The following KRABD5 variants were observed in gnomAD, a reference collection of about 807,000 sequenced individuals.
The protein encoded by KRABD5 is KRAB domain-containing protein 5.
chr16:31,714,165 AGACAG>A, the KRABD5 span, among the ~76,000 whole-genome samples: 3 of 152,198 alleles, frequency 2.0e-5, no homozygotes, highest in Non-Finnish European at 4.4e-5. Flanking sequence ...AAATGTTATG[AGACAG>A]GACTTGGCAC....
chr16:31,721,455 TAATA>T, the KRABD5 span, among the ~76,000 whole-genome samples: 1 of 151,204 alleles, frequency 6.6e-6, no homozygotes, highest in African/African-American at 2.4e-5. Context: ...TGGGGTAAAA[TAATA>T]AATAAAAAAA....
At chr16:31,716,036 C>T in the KRABD5 span, among the ~76,000 whole-genome samples, 3 of 152,208 alleles carry the variant, frequency 2.0e-5, no homozygotes, top group Non-Finnish European at 4.4e-5. Flanking sequence ...ACCCACTAGG[C>T]ACTGGCGTCG....
chr16:31,725,700 G>A, the KRABD5 span, among the ~76,000 whole-genome samples: 1 of 152,266 alleles, frequency 6.6e-6, no homozygotes, highest in South Asian at 2.1e-4. Context: ...GGCTCATTGA[G>A]GTTTGGTGTT....
chr16:31,742,403 A>G, the KRABD5 span, among the ~76,000 whole-genome samples: 11 of 152,270 alleles, frequency 7.2e-5, no homozygotes, highest in East Asian at 1.9e-3. Flanking sequence ...AAGCGAGAAC[A>G]TGCAGTGTTT....
chr16:31,717,196 A>G, the KRABD5 span, among the ~76,000 whole-genome samples: 2 of 152,042 alleles, frequency 1.3e-5, no homozygotes, highest in East Asian at 3.9e-4. Flanking sequence ...GGGTTTCACC[A>G]TGTTGTCCAG....
the KRABD5 span, among the ~76,000 whole-genome samples, chr16:31,730,304 C>T: frequency 6.6e-6 from 1 of 151,826 alleles, no homozygotes; most frequent in Non-Finnish European, 1.5e-5. Flanking sequence ...TTGTGTATAG[C>T]CTACTTAGTT....
chr16:31,747,200 C>G, the KRABD5 span, among the ~76,000 whole-genome samples: 1 of 141,576 alleles, frequency 7.1e-6, no homozygotes, highest in African/African-American at 2.7e-5. Context: ...TCCATGTGTT[C>G]TCATTGTTCA....
the KRABD5 span, among the ~76,000 whole-genome samples, chr16:31,742,381 A>G: frequency 6.6e-6 from 1 of 151,430 alleles, no homozygotes; most frequent in Non-Finnish European, 1.5e-5. Flanking sequence ...TCATTGTTCA[A>G]CTCCCACTTA....
chr16:31,760,562 A>C, the KRABD5 span: 1 of 141,718 alleles, frequency 7.1e-6, no homozygotes, highest in East Asian at 2.1e-4. Context: ...TGTGATTTCC[A>C]TGTGTGCTGC....
the KRABD5 span, among the ~76,000 whole-genome samples, chr16:31,751,313 G>A: frequency 2.6e-5 from 4 of 152,290 alleles, no homozygotes; most frequent in Admixed American, 6.5e-5. Flanking sequence ...TAGAATGAAA[G>A]GGGAGGAGTC....
the KRABD5 span, among the ~76,000 whole-genome samples, chr16:31,738,078 T>A: frequency 6.6e-6 from 1 of 152,186 alleles, no homozygotes; most frequent in East Asian, 1.9e-4. Context: ...GTGATTGTCA[T>A]CTGCTTAAAT....
the KRABD5 span, among the ~76,000 whole-genome samples, chr16:31,749,694 G>A: frequency 6.6e-6 from 1 of 152,104 alleles, no homozygotes; most frequent in South Asian, 2.1e-4. Flanking sequence ...GGCAGGACAG[G>A]GCTCTCCTCC....
chr16:31,753,633 A>G, the KRABD5 span: 1 of 886,650 alleles, frequency 1.1e-6, no homozygotes, highest in Non-Finnish European at 1.6e-6. Flanking sequence ...CAATTGAGAA[A>G]ACAAAGGGGC....
the KRABD5 span, among the ~76,000 whole-genome samples, chr16:31,731,948 G>T: frequency 6.6e-6 from 1 of 152,178 alleles, no homozygotes; most frequent in Admixed American, 6.5e-5. Context: ...AGTTGACAGA[G>T]ATAGATTTTG....
chr16:31,748,735 T>C, the KRABD5 span, among the ~76,000 whole-genome samples: 1 of 152,106 alleles, frequency 6.6e-6, no homozygotes, highest in Admixed American at 6.5e-5. Context: ...GTTTGTCTAG[T>C]TTTGATCTTT....
At chr16:31,718,903 T>C in the KRABD5 span, among the ~76,000 whole-genome samples, 1 of 152,188 alleles carries the variant, frequency 6.6e-6, no homozygotes, top group South Asian at 2.1e-4. Context: ...CTAATTTCTT[T>C]CCATCTCAGA....
the KRABD5 span, among the ~76,000 whole-genome samples, chr16:31,716,420 C>T: frequency 9.2e-5 from 14 of 152,238 alleles, no homozygotes; most frequent in African/African-American, 1.7e-4. Context: ...CTCACTGTGT[C>T]GCCCAGGCTG....
chr16:31,755,396 T>C, the KRABD5 span: 9 of 500,452 alleles, frequency 1.8e-5, no homozygotes, highest in South Asian at 1.2e-4. Flanking sequence ...ATGTAAAGAA[T>C]GTGGCAAAGC....
the KRABD5 span, among the ~76,000 whole-genome samples, chr16:31,740,106 C>T: frequency 6.6e-6 from 1 of 152,202 alleles, no homozygotes; most frequent in Admixed American, 6.5e-5. Context: ...GGGCTCTTAG[C>T]TCTGAAGGCT....
Sources: allele counts gnomAD v4.1 joint callset (sites outside exome capture counted in the v4.1 genomes callset), GRCh38; gene constraint gnomAD v4.1.1; transcripts MANE v1.5; gene names NCBI Gene and HGNC (gene_info 2026-07-23, HGNC 2026-07-21).